FUT8: variants seen among roughly 807,000 people sequenced by gnomAD.
FUT8 encodes fucosyltransferase 8, also known as alpha-(1,6)-fucosyltransferase.
Under a neutral mutation model 71.3 loss-of-function variants are expected in FUT8, and 29 were observed. That is an observed-to-expected ratio of 0.41 (90% CI 0.30 to 0.55). The LOEUF (loss-of-function observed/expected upper bound fraction) is 0.55. FUT8 is among the 20% of genes least tolerant of loss of function. The pLI, the probability that FUT8 is intolerant of heterozygous loss-of-function variation, is 0.34. For synonymous variants in FUT8, 254 were observed against 239.3 expected (o/e 1.06, Z -0.57); for missense variants, 544 against 702.1 (o/e 0.77, Z 2.55).
chr14:65,678,309 C>A (rs1434879014), intron 7 of FUT8, among the ~76,000 whole-genome samples: 1 of 152,186 alleles, frequency 6.6e-6, no homozygotes, highest in Admixed American at 6.5e-5. Context: ...CTCCCTAGCT[C>A]CCCTAGCCCA....
intron 2 of FUT8, among the ~76,000 whole-genome samples, chr14:65,554,977 A>C (rs1885511175): frequency 6.6e-6 from 1 of 152,010 alleles, no homozygotes; most frequent in Non-Finnish European, 1.5e-5. Context: ...GCTTGTTTTT[A>C]AGCTTTGTTA....
chr14:65,716,273 T>G (rs1895054351), intron 7 of FUT8, among the ~76,000 whole-genome samples: 1 of 152,158 alleles, frequency 6.6e-6, no homozygotes, highest in African/African-American at 2.4e-5. Context: ...AGCTGTAATA[T>G]TTGCTTTATG....
At chr14:65,699,285 C>T (rs2140473473) in intron 7 of FUT8, among the ~76,000 whole-genome samples, 1 of 151,990 alleles carries the variant, frequency 6.6e-6, no homozygotes, top group African/African-American at 2.4e-5. Flanking sequence ...AATCAAATTC[C>T]CTGTTTAGAG....
In FUT8 at chr14:65,418,592, G is replaced by T. The variant is rs117821787; in HGVS notation, c.-326+5378G>T. On this transcript the variant is annotated intron_variant, in intron 1 of 10. Coordinates refer to ENST00000673929, the MANE Select transcript of FUT8 (RefSeq NM_001371533.1). ...AGATATAATTTATAGATTCTGTATT[G>T]TCTGGGACCTTGGGGCAGTCAGTGA... is the stretch of plus-strand genomic sequence containing the variant. Among the ~76,000 whole-genome samples, 619 of 152,258 alleles carry T rather than the reference G, an allele frequency of 4.1e-3. 7 individuals carry two copies. Among genetic ancestry groups the T allele is most frequent in the Admixed American group, 7.1e-3 (109 of 15,296 alleles).
At chr14:65,692,065 A>G (rs1213177762) in intron 7 of FUT8, among the ~76,000 whole-genome samples, 1,565 of 151,638 alleles carry the variant, frequency 0.01, 22 homozygotes, top group African/African-American at 0.036. Context: ...CCCCCTTTCT[A>G]TTCCACAAAA....
intron 3 of FUT8, among the ~76,000 whole-genome samples, chr14:65,606,000 T>A (rs1395196116): frequency 6.6e-6 from 1 of 151,720 alleles, no homozygotes; most frequent in Non-Finnish European, 1.5e-5. Context: ...TAATCCTACA[T>A]TAATTATATA....
In FUT8 at chr14:65,669,587, G is replaced by A. The variant is rs1187376553; in HGVS notation, c.835+107G>A. The A allele has an allele frequency of 1.6e-5, 12 of 737,182 alleles. No individual in the cohort carries two copies. Among genetic ancestry groups the A allele is most frequent in the Non-Finnish European group, 2.3e-5 (10 of 426,430 alleles). 45.7% of individuals were successfully genotyped at this position (737,182 alleles called of 1,614,324 possible). A position where few individuals can be genotyped will look rare whatever the true frequency, so the allele number is the denominator to read the frequency against. ...TGGAACATACTTATCTTTTCCTCTG[G>A]ATCCATGAATACTATACATTATCCA... On this transcript the variant is annotated intron_variant, in intron 7 of 10. Transcript: ENST00000673929. This position sits in a 1 kb window ranked among gnomAD's most constrained non-coding sequence, Gnocchi z 4.5.
chr14:65,366,420 C>T, the FUT8 span, among the ~76,000 whole-genome samples: 1 of 152,140 alleles, frequency 6.6e-6, no homozygotes, highest in Non-Finnish European at 1.5e-5. Context: ...ACTAGTTTTT[C>T]CCCGATGGCT....
chr14:65,589,530 G>A (rs573005602), intron 3 of FUT8, among the ~76,000 whole-genome samples: 52 of 142,584 alleles, frequency 3.6e-4, no homozygotes, highest in Non-Finnish European at 6.6e-4. Flanking sequence ...TGCAAGCTCT[G>A]CCTCCCGGGT....
chr14:65,533,281 G>A (rs1192887023), intron 2 of FUT8, among the ~76,000 whole-genome samples: 1 of 152,128 alleles, frequency 6.6e-6, no homozygotes, highest in Non-Finnish European at 1.5e-5. Flanking sequence ...GATTTTTCCT[G>A]TCCACGATCA....
chr14:65,426,890 T>C (rs2065396915), intron 1 of FUT8, among the ~76,000 whole-genome samples: 1 of 151,924 alleles, frequency 6.6e-6, no homozygotes, highest in African/African-American at 2.4e-5. Flanking sequence ...ACGGAGTCTC[T>C]CTTTGTCGCC....
the FUT8 span, among the ~76,000 whole-genome samples, chr14:65,357,352 A>G: frequency 6.6e-6 from 1 of 152,360 alleles, no homozygotes; most frequent in South Asian, 2.1e-4. Flanking sequence ...AGAATTATTT[A>G]TAACAGTTCC....
At chr14:65,435,702 T>G (rs2065545191) in intron 1 of FUT8, among the ~76,000 whole-genome samples, 1 of 152,092 alleles carries the variant, frequency 6.6e-6, no homozygotes, top group Non-Finnish European at 1.5e-5. Flanking sequence ...CCAAAGTGGT[T>G]GTACCATTTT....
chr14:65,373,169 C>G, the FUT8 span, among the ~76,000 whole-genome samples: 21 of 151,776 alleles, frequency 1.4e-4, no homozygotes, highest in Non-Finnish European at 2.8e-4. Flanking sequence ...CTGTTGACTT[C>G]CTTCAGGGCG....
chr14:65,650,717 AAAAAAAAAAAAAC>A (rs1891356316), intron 6 of FUT8, among the ~76,000 whole-genome samples: 2 of 150,726 alleles, frequency 1.3e-5, no homozygotes, highest in African/African-American at 2.4e-5. Flanking sequence ...CAAAAAAAAA[AAAAAAAAAAAAAC>A]AAAAAAAACC....
chr14:65,522,242 G>C (rs966472129), intron 2 of FUT8, among the ~76,000 whole-genome samples: 3 of 151,980 alleles, frequency 2.0e-5, no homozygotes, highest in African/African-American at 7.2e-5. Flanking sequence ...TTTTCCTTTT[G>C]GTGCCCTGGT....
intron 7 of FUT8, among the ~76,000 whole-genome samples, chr14:65,713,705 T>G (rs1307723026): frequency 6.6e-6 from 1 of 152,226 alleles, no homozygotes; most frequent in Non-Finnish European, 1.5e-5. Flanking sequence ...AATCGGATCT[T>G]TTGCCCATTT....
intron 2 of FUT8, among the ~76,000 whole-genome samples, chr14:65,526,465 T>C (rs1003816071): frequency 3.9e-5 from 6 of 152,218 alleles, no homozygotes; most frequent in African/African-American, 1.2e-4. Flanking sequence ...TCTCTTCATG[T>C]GAGACAGGTC....
chr14:65,431,381 C>T (rs2065472436), intron 1 of FUT8, among the ~76,000 whole-genome samples: 1 of 148,934 alleles, frequency 6.7e-6, no homozygotes, highest in Admixed American at 6.8e-5. Flanking sequence ...GCAATCCCAG[C>T]TCACTGCAGC....
Sources: allele counts gnomAD v4.1 joint callset (sites outside exome capture counted in the v4.1 genomes callset), GRCh38; gene constraint gnomAD v4.1.1; non-coding constraint Gnocchi (gnomAD v3.1); transcripts MANE v1.5; gene names NCBI Gene and HGNC (gene_info 2026-07-23, HGNC 2026-07-21).